Variants in SPATS2L observed in about 807,000 individuals in gnomAD.
SPATS2L encodes spermatogenesis associated serine rich 2 like.
In SPATS2L, 30 loss-of-function variants were observed where a neutral mutation model predicts 59.6. That is an observed-to-expected ratio of 0.50 (90% CI 0.38 to 0.68). The LOEUF (loss-of-function observed/expected upper bound fraction) is 0.68, where lower values mean the gene tolerates loss of function less well. Ranked by LOEUF, SPATS2L falls within the 30% of genes least tolerant of loss-of-function variation. The probability of loss-of-function intolerance (pLI) is 0.00; values close to 1 mark genes in which losing one functional copy is unlikely to be tolerated. For missense variants in SPATS2L, 615 were observed against 700.0 expected (o/e 0.88, Z 1.37); for synonymous variants, 252 against 263.5 (o/e 0.96, Z 0.42).
chr2:200,383,039 C>T (rs2081876003), intron 2 of SPATS2L, among the ~76,000 whole-genome samples: 1 of 152,106 alleles, frequency 6.6e-6, no homozygotes. Flanking sequence ...TGCTAGTGCA[C>T]GTCCGAATAC....
At chr2:200,473,760 G>A (rs2087265306) in intron 12 of SPATS2L, among the ~76,000 whole-genome samples, 7 of 152,160 alleles carry the variant, frequency 4.6e-5, no homozygotes, top group Admixed American at 4.6e-4. Flanking sequence ...AGCACTTTGG[G>A]AGGCCAAGGT....
intron 12 of SPATS2L, among the ~76,000 whole-genome samples, chr2:200,476,201 A>T (rs1386375325): frequency 1.3e-5 from 2 of 152,164 alleles, no homozygotes; most frequent in Non-Finnish European, 2.9e-5. Flanking sequence ...GTGTTGAAGG[A>T]ATGATTTTTT....
Position 200,361,079 on chromosome 2 carries a change from A to AC in SPATS2L, c.-22-28137dup, listed in dbSNP as rs3036489. ...GCTCCACCCCACTATTCCCCACCCC[A>AC]CCCCCCCACACACACACATCCCTAC... On this transcript the variant is annotated intron_variant, in intron 2 of 12. Coordinates refer to ENST00000409140, the MANE Select transcript of SPATS2L (RefSeq NM_001100423.2). 6.5e-3 allele frequency among the ~76,000 whole-genome samples: 481 copies of AC among 73,914 alleles called. 11 individuals are homozygous for AC. Among genetic ancestry groups the AC allele is most frequent in the Middle Eastern group, 0.025 (3 of 118 alleles). The allele number at this position is 73,914 out of a possible 152,430, so 48.5% of individuals were successfully genotyped here.
Position 200,480,551 on chromosome 2 carries a change from A to G in SPATS2L, c.*2520A>G, listed in dbSNP as rs914932135. 1 of 152,108 alleles carries G rather than the reference A, an allele frequency of 6.6e-6. No individual in the cohort carries two copies. Among genetic ancestry groups the G allele is most frequent in the African/African-American group, 2.4e-5 (1 of 41,390 alleles). The allele number at this position is 152,108 out of a possible 1,614,324, so 9.4% of individuals were successfully genotyped here. On this transcript the variant is annotated 3_prime_UTR_variant, in exon 13 of 13. Coordinates refer to ENST00000409140, the MANE Select transcript of SPATS2L (RefSeq NM_001100423.2). ...CGTCCCAGCTACTTTTTAAATTTTT[A>G]GTAGAAACGAGGTCTCACTATGGTG...
At chr2:200,376,255 C>G (rs1470232147) in intron 2 of SPATS2L, among the ~76,000 whole-genome samples, 2 of 152,124 alleles carry the variant, frequency 1.3e-5, no homozygotes, top group Non-Finnish European at 2.9e-5. Flanking sequence ...TTTCCCATTA[C>G]AGCATATTTC....
intron 6 of SPATS2L, among the ~76,000 whole-genome samples, chr2:200,423,633 A>G (rs1326870022): frequency 6.6e-6 from 1 of 152,230 alleles, no homozygotes; most frequent in African/African-American, 2.4e-5. Context: ...AAAAATTAGA[A>G]AAAAGTCACA....
At chr2:200,475,204 G>A (rs1448017025) in intron 12 of SPATS2L, among the ~76,000 whole-genome samples, 2 of 152,224 alleles carry the variant, frequency 1.3e-5, no homozygotes, top group Admixed American at 6.5e-5. Context: ...GGAAAAGACA[G>A]TATTCAGACA....
intron 9 of SPATS2L, 80 bp from the exon 10 acceptor site, chr2:200,467,210 G>A: frequency 4.1e-6 from 4 of 979,960 alleles, no homozygotes; most frequent in Middle Eastern, 2.1e-4. Context: ...TCTGTGGAGT[G>A]AGAACTGATT....
rs753387244 is a variant in SPATS2L at position 200,321,995 on chromosome 2, C to T, written c.-72-7436C>T. Among the ~76,000 whole-genome samples the T allele has an allele frequency of 1.8e-4, 27 of 152,268 alleles. 1 individual carries two copies. Among genetic ancestry groups the T allele is most frequent in the South Asian group, 1.0e-3 (5 of 4,822 alleles). On this transcript the variant is annotated intron_variant, in intron 1 of 12. Coordinates refer to ENST00000409140, the MANE Select transcript of SPATS2L (RefSeq NM_001100423.2). Reference sequence around the variant, plus strand: ...TTCCATTCTGGCATGTAGTTCATGCCTATCTTTTTGAGGCTTGCAGAATGA... The same window carrying T: ...TTCCATTCTGGCATGTAGTTCATGCTTATCTTTTTGAGGCTTGCAGAATGA...
At chr2:200,427,678 A>G (rs1207029125) in intron 6 of SPATS2L, among the ~76,000 whole-genome samples, 1 of 152,138 alleles carries the variant, frequency 6.6e-6, no homozygotes, top group Non-Finnish European at 1.5e-5. Context: ...GAAATAATAA[A>G]GTATATCTGT....
chr2:200,364,218 G>T lies in SPATS2L; in HGVS notation c.-22-25005G>T, dbSNP rs527718253. Among the ~76,000 whole-genome samples the T allele has an allele frequency of 8.5e-5, 13 of 152,252 alleles. No individual in the cohort carries two copies. The South Asian group carries it at 2.5e-3, about 29-fold the overall frequency. ...TGTCAGACTTCTGACTTACAAAACT[G>T]TAAGGTAATGAATTTTTATTATTTT... On this transcript the variant is annotated intron_variant, in intron 2 of 12. Transcript: ENST00000409140.
intron 9 of SPATS2L, among the ~76,000 whole-genome samples, chr2:200,462,354 C>T (rs1389782966): frequency 1.3e-5 from 2 of 152,208 alleles, no homozygotes; most frequent in Admixed American, 6.5e-5. Flanking sequence ...AGTAAACACA[C>T]GCGCTTCCTT....
At chr2:200,419,526 G>A (rs2083219096) in intron 6 of SPATS2L, 30 bp downstream of exon 6, 3 of 1,610,680 alleles carry the variant, frequency 1.9e-6, no homozygotes, top group Non-Finnish European at 2.5e-6. Context: ...AATTGCTTAG[G>A]AAGGCATAGA....
At chr2:200,371,990 CTCTTTCCATCACCA>C (rs2105892886) in intron 2 of SPATS2L, 1 of 979,980 alleles carries the variant, frequency 1.0e-6, no homozygotes, top group South Asian at 4.7e-5. Context: ...GGAAGAAAGG[CTCTTTCCATCACCA>C]TCTCAGACTC....
At chr2:200,439,063 T>C (rs559717482) in intron 6 of SPATS2L, 59 bp from the exon 7 acceptor site, 2 of 1,471,454 alleles carry the variant, frequency 1.4e-6, no homozygotes, top group East Asian at 4.5e-5. Context: ...CCTCCATCAC[T>C]TTATCGTCAG....
rs1201579356 is a variant in SPATS2L, at chr2:200,396,404, T to C, written c.39+7121T>C. ...GTCCAGAGAGGTGACATATTCAATGTCTCTGCAGATGATGGAGATAGAAGG... is the reference window on the plus strand; with the variant it reads ...GTCCAGAGAGGTGACATATTCAATGCCTCTGCAGATGATGGAGATAGAAGG... On this transcript the variant is annotated intron_variant, in intron 3 of 12. Transcript: ENST00000409140. Among the ~76,000 whole-genome samples, 3 of 152,264 alleles carry C rather than the reference T, an allele frequency of 2.0e-5. No individual in the cohort carries two copies. In the East Asian group the frequency reaches 5.8e-4, roughly 29 times the overall value.
chr2:200,385,106 C>T (rs2105917658), intron 2 of SPATS2L, among the ~76,000 whole-genome samples: 1 of 152,262 alleles, frequency 6.6e-6, no homozygotes, highest in Non-Finnish European at 1.5e-5. Context: ...TTAAAAGCTC[C>T]TGTGGTCGAT....
In SPATS2L at chr2:200,389,394, C is replaced by T. The variant is rs114409453; in HGVS notation, c.39+111C>T. 7.2e-4 allele frequency: 508 copies of T among 705,360 alleles called. 2 individuals are homozygous for T. In the African/African-American group the frequency reaches 7.9e-3, roughly 11 times the overall value. The allele number at this position is 705,360 out of a possible 1,614,324, so 43.7% of individuals were successfully genotyped here. A position where few individuals can be genotyped will look rare whatever the true frequency, so the allele number is the denominator to read the frequency against. ...AAAGGGAAAGTGGTTTTGGGGGATA[C>T]GTAGTAAGTTTGCCACAACAGTAAA... On this transcript the variant is annotated intron_variant, in intron 3 of 12. Transcript: ENST00000409140.
At chr2:200,403,387 T>C (rs2082593581) in intron 3 of SPATS2L, among the ~76,000 whole-genome samples, 1 of 152,192 alleles carries the variant, frequency 6.6e-6, no homozygotes, top group African/African-American at 2.4e-5. Flanking sequence ...GAGAACACTT[T>C]AGTTCTTTTT....
Sources: gnomAD v4.1 joint callset for allele counts (sites outside exome capture counted in the v4.1 genomes callset) on GRCh38, gnomAD v4.1.1 for gene constraint, MANE v1.5 for transcripts, NCBI Gene and HGNC (gene_info 2026-07-23, HGNC 2026-07-21) for gene names.